PPM1F: variants seen among roughly 807,000 people sequenced by gnomAD.
The protein encoded by PPM1F is protein phosphatase 1F.
PPM1F carries 17 observed loss-of-function variants against 35.5 expected under a neutral mutation model. That is an observed-to-expected ratio of 0.48 (90% CI 0.33 to 0.72). PPM1F has a LOEUF of 0.72. Among genes scored for constraint, PPM1F ranks in the 30% least tolerant of loss-of-function variants. PPM1F has a pLI of 0.02. For synonymous variants in PPM1F, 241 were observed against 255.5 expected, an observed-to-expected ratio of 0.94 and a Z score of 0.54; for missense variants, 521 against 613.0, an observed-to-expected ratio of 0.85 and a Z score of 1.59.
intron 5 of PPM1F, among the ~76,000 whole-genome samples, chr22:21,932,141 C>T (rs778079132): frequency 6.6e-5 from 10 of 151,986 alleles, no homozygotes; most frequent in Non-Finnish European, 1.0e-4. Context: ...TTAGTAGAGA[C>T]GAGGTTTCAC....
intron 6 of PPM1F, among the ~76,000 whole-genome samples, chr22:21,927,339 A>T (rs1369810648): frequency 6.6e-6 from 1 of 152,234 alleles, no homozygotes; most frequent in Non-Finnish European, 1.5e-5. Flanking sequence ...GCAGACGGCG[A>T]GGAGCTGCAG....
intron 6 of PPM1F, among the ~76,000 whole-genome samples, chr22:21,926,977 T>C (rs2070523611): frequency 6.6e-6 from 1 of 152,116 alleles, no homozygotes; most frequent in African/African-American, 2.4e-5. Flanking sequence ...GTGGTGGGAA[T>C]GACATGGGTT....
chr22:21,952,342 G>A (rs2070848394), intron 1 of PPM1F: 1 of 152,272 alleles, frequency 6.6e-6, no homozygotes, highest in African/African-American at 2.4e-5. Context: ...CTGGGCCCCT[G>A]AAGGTGCAGG....
chr22:21,933,619 C>T, intron 4 of PPM1F, 40 bp from the exon 5 acceptor site: 7 of 1,574,216 alleles, frequency 4.4e-6, no homozygotes, highest in Non-Finnish European at 6.1e-6. Flanking sequence ...CCGCGGGACC[C>T]AGGGTGCTCC....
chr22:21,933,713 G>T, intron 4 of PPM1F, 134 bp from the exon 5 acceptor site: 3 of 820,364 alleles, frequency 3.7e-6, no homozygotes, highest in Non-Finnish European at 5.7e-6. Context: ...GCGTATGAGG[G>T]GGTAGGTTTG....
intron 4 of PPM1F, 60 bp downstream of exon 4, chr22:21,933,964 G>GC: frequency 6.8e-7 from 1 of 1,475,192 alleles, no homozygotes; most frequent in Non-Finnish European, 9.1e-7. Context: ...TACCTGGGGG[G>GC]CCCCCACCCT....
chr22:21,927,937 G>GTTTTTTT (rs1392008034), intron 6 of PPM1F, among the ~76,000 whole-genome samples: 30 of 68,096 alleles, frequency 4.4e-4, no homozygotes, highest in South Asian at 5.8e-4. Flanking sequence ...TCTGTTTTTT[G>GTTTTTTT]TTTTGTTTTT....
In PPM1F at chr22:21,933,518, C is replaced by T. The variant is rs1452710879; in HGVS notation, c.620G>A (p.Arg207Lys). 4 of 1,613,756 alleles carry T rather than the reference C, an allele frequency of 2.5e-6. No individual in the cohort carries two copies. The South Asian group carries it at 4.4e-5, about 18-fold the overall frequency. ...FDGHGGVDAA[R>K]YAAVHVHTNA... The stretch of plus-strand genomic sequence containing the variant: ...GGTGTGCACGTGGACAGCGGCGTAC[C>T]TCGCAGCATCCACGCCTCCGTGACC... The change falls in exon 5 of 8, where the codon AGG (arginine) becomes AAG (lysine). Residue 207 changes from arginine (R) to lysine (K), a missense_variant. Arg to Lys is a conservative substitution (Grantham distance 26). Around this residue, in one of 3 missense-constraint regions of PPM1F, gnomAD observed 311 missense variants for 351.5 expected, o/e 0.88. Coordinates refer to ENST00000263212, the MANE Select transcript of PPM1F (RefSeq NM_014634.4).
chr22:21,927,734 T>G (rs2070532978), intron 6 of PPM1F, among the ~76,000 whole-genome samples: 1 of 152,226 alleles, frequency 6.6e-6, no homozygotes. Context: ...GCACCCCCTG[T>G]GCTGGACAGG....
rs370601228 is a variant in PPM1F at position 21,939,580 on chromosome 22, C to T, written c.307G>A (p.Glu103Lys). 2.5e-6 allele frequency: 4 copies of T among 1,574,272 alleles called. No individual in the cohort carries two copies. The highest frequency in any genetic ancestry group is 8.6e-7 in the Non-Finnish European group (1 of 1,158,418). The change falls in exon 3 of 8, where the codon GAA becomes AAA. Residue 103 changes from glutamate (E) to lysine (K), a missense_variant. Physicochemically the swap from Glu to Lys is moderately conservative, Grantham distance 56. Coordinates refer to ENST00000263212, the MANE Select transcript of PPM1F (RefSeq NM_014634.4). This position sits in a 1 kb window ranked among gnomAD's most constrained non-coding sequence, Gnocchi z 5.1. ...SEFRKLPREE[E>K]EEEEDDDEEE... ...TCGTCATCGTCCTCCTCCTCTTCTTCTTCCTCCCTGGGCAACTTCCTGAAT... is the reference window on the plus strand; with the variant it reads ...TCGTCATCGTCCTCCTCCTCTTCTTTTTCCTCCCTGGGCAACTTCCTGAAT...
chr22:21,928,367 T>G (rs924418783), intron 6 of PPM1F, among the ~76,000 whole-genome samples: 1 of 152,214 alleles, frequency 6.6e-6, no homozygotes, highest in Non-Finnish European at 1.5e-5. Flanking sequence ...CGTGCCAGCG[T>G]GACCTGTGAC....
In PPM1F at chr22:21,936,322, G is replaced by A. The variant is rs925220056; in HGVS notation, c.356-2096C>T. 5.9e-5 allele frequency: 9 copies of A among 151,694 alleles called. No individual in the cohort carries two copies. The South Asian group carries it at 8.3e-4, about 14-fold the overall frequency. 9.4% of individuals were successfully genotyped at this position (151,694 alleles called of 1,614,324 possible). A position where few individuals can be genotyped will look rare whatever the true frequency, so the allele number is the denominator to read the frequency against. ...ACCAGGGCCAGAAAAAAAAAAAGGC[G>A]GGAACAGCACACAACCAAGGTGTCA... is the stretch of plus-strand genomic sequence containing the variant. On this transcript the variant is annotated intron_variant, in intron 3 of 7. Coordinates refer to ENST00000263212, the MANE Select transcript of PPM1F (RefSeq NM_014634.4).
At chr22:21,927,946 T>TGTTTTG (rs1221375656) in intron 6 of PPM1F, among the ~76,000 whole-genome samples, 1 of 53,130 alleles carries the variant, frequency 1.9e-5, no homozygotes, top group Admixed American at 1.9e-4. Flanking sequence ...TGTTTTGTTT[T>TGTTTTG]TTTTTTTTTT....
intron 3 of PPM1F, chr22:21,936,434 T>TTAG (rs2070660013): frequency 6.6e-6 from 1 of 152,154 alleles, no homozygotes; most frequent in Admixed American, 6.5e-5. Flanking sequence ...ATTACAAGTG[T>TTAG]TAGTCTCGTG....
At position 21,931,851 on chromosome 22, in the gene PPM1F, C is replaced by T. The variant is rs1466602952; in HGVS notation, c.748-560G>A. Among the ~76,000 whole-genome samples, 3 of 151,886 alleles carry T rather than the reference C, an allele frequency of 2.0e-5. No individual in the cohort carries two copies. The South Asian group carries it at 6.2e-4, about 31-fold the overall frequency. On this transcript the variant is annotated intron_variant, in intron 5 of 7. Coordinates refer to ENST00000263212, the MANE Select transcript of PPM1F (RefSeq NM_014634.4). Reference sequence around the variant, plus strand: ...ATTTAGAGGCAAAATCTTGCTCTGTCACCCAGGCTGGAGTGCAGTGGCACA... The same window carrying T: ...ATTTAGAGGCAAAATCTTGCTCTGTTACCCAGGCTGGAGTGCAGTGGCACA...
intron 2 of PPM1F, 77 bp downstream of exon 2, chr22:21,945,766 G>C (rs2070770366): frequency 1.4e-6 from 2 of 1,449,020 alleles, no homozygotes; most frequent in Admixed American, 1.9e-5. Context: ...ACGTGTAGGG[G>C]AGCAGCAGCC....
At position 21,931,226 on chromosome 22, in the gene PPM1F, C is replaced by T; in HGVS notation, c.813G>A (p.Trp271Ter). The change falls in exon 6 of 8, where the codon TGG becomes TGA. Residue 271 changes from tryptophan to a stop codon, truncating the protein, a stop_gained. Transcript: ENST00000263212. LOFTEE classifies it high-confidence loss of function. ...LIAGATLHVAWLGDSQVILVQ... is the reference protein window; with the variant it reads ...LIAGATLHVA ...CCAAAATGACCTGGGAATCCCCGAGCCAGGCGACGTGCAGGGTCGCTCCTG... is the reference window on the plus strand; with the variant it reads ...CCAAAATGACCTGGGAATCCCCGAGTCAGGCGACGTGCAGGGTCGCTCCTG... The T allele has an allele frequency of 6.2e-7, 1 of 1,614,100 alleles. No individual in the cohort carries two copies. Among genetic ancestry groups the T allele is most frequent in the Non-Finnish European group, 8.5e-7 (1 of 1,180,044 alleles).
Position 21,938,026 on chromosome 22 carries a change from G to A in PPM1F, c.355+1506C>T, listed in dbSNP as rs182169057. 2.9e-4 allele frequency: 332 copies of A among 1,147,478 alleles called. No individual in the cohort carries two copies. In the African/African-American group the frequency reaches 3.3e-3, roughly 12 times the overall value. The allele number at this position is 1,147,478 out of a possible 1,614,324, so 71.1% of individuals were successfully genotyped here. A position where few individuals can be genotyped will look rare whatever the true frequency, so the allele number is the denominator to read the frequency against. ...AAAAACTTGACTACATTCTACTTCC[G>A]TGACAGGGAGAGCATGATCAAGGCC... On this transcript the variant is annotated intron_variant, in intron 3 of 7. Transcript: ENST00000263212.
chr22:21,925,585 G>T lies in PPM1F; in HGVS notation c.969C>A (p.Ala323=), dbSNP rs60327076. 3.1e-3 allele frequency: 4,999 copies of T among 1,613,726 alleles called. 109 individuals carry two copies. The African/African-American group carries it at 0.058, about 19-fold the overall frequency. Reference sequence around the variant, plus strand: ...GGCTCTCACCGATGGCTCTGGAGACGGCCAGGGTCCCGTTGACTCTCCAGC... The same window carrying T: ...GGCTCTCACCGATGGCTCTGGAGACTGCCAGGGTCCCGTTGACTCTCCAGC... The part of the protein sequence containing the change: ...MDCWRVNGTL[A]VSRAIGDVFQ... Residue 323 remains alanine (A), a synonymous_variant, in exon 7 of 8, where the codon GCC becomes GCA. Coordinates refer to ENST00000263212, the MANE Select transcript of PPM1F (RefSeq NM_014634.4).
Sources: allele counts gnomAD v4.1 joint callset (sites outside exome capture counted in the v4.1 genomes callset), GRCh38; gene constraint gnomAD v4.1.1; regional missense constraint gnomAD v4.1.1; non-coding constraint Gnocchi (gnomAD v3.1); transcripts MANE v1.5; gene names NCBI Gene and HGNC (gene_info 2026-07-23, HGNC 2026-07-21).